The following NSMF variants were observed in gnomAD, a reference collection of about 807,000 sequenced individuals.
NSMF encodes the protein NMDA receptor synaptonuclear signaling and neuronal migration factor, also known as nasal embryonic LHRH factor.
In NSMF, 31 loss-of-function variants were observed where a neutral mutation model predicts 71.0. The ratio of observed to expected loss-of-function variants is 0.44; its 90% CI spans 0.33 to 0.59. NSMF has a LOEUF of 0.59. Ranked by LOEUF, NSMF falls within the 20% of genes least tolerant of loss-of-function variation. NSMF has a pLI of 0.04. For synonymous variants in NSMF, 345 were observed against 287.1 expected, an observed-to-expected ratio of 1.20 and a Z score of -2.04; for missense variants, 673 against 740.5, an observed-to-expected ratio of 0.91 and a Z score of 1.06.
rs763475162 is a variant in NSMF at position 137,458,542 on chromosome 9, G to C, written c.79C>G (p.Arg27Gly). ...TGGGACAGGTACTCTCCAAACGCTC[G>C]GGCTGCTCTGAGGGTGGACAGAGGG... ...SSVAAKVRAA[R>G]AFGEYLSQSH... is the part of the protein sequence containing the mutation. Residue 27 changes from arginine (R) to glycine (G), a missense_variant, in exon 2 of 16, where the codon CGA (arginine) becomes GGA (glycine). Physicochemically the swap from Arg to Gly is moderately radical, Grantham distance 125. Coordinates refer to ENST00000371475, the MANE Select transcript of NSMF (RefSeq NM_001130969.3). The C allele has an allele frequency of 6.3e-7, 1 of 1,596,430 alleles. No individual in the cohort carries two copies. Among genetic ancestry groups the C allele is most frequent in the Non-Finnish European group, 8.5e-7 (1 of 1,173,418 alleles).
rs544848562 is a variant in NSMF at position 137,456,393 on chromosome 9, C to G, written c.704+18G>C. ...AGACCACCCAACCCTGACCCCAAGT[C>G]GTGGGCACAAGACTCACGCTTGCAT... On this transcript the variant is annotated intron_variant, in intron 4 of 15. Transcript: ENST00000371475. 2.2e-5 allele frequency: 35 copies of G among 1,602,950 alleles called. 1 individual carries two copies. In the South Asian group the frequency reaches 3.9e-4, roughly 18 times the overall value.
rs371497597 is a variant in NSMF, at chr9:137,455,343, C to T, written c.711-36G>A. ...ACCGCGAGTCAGCACTGCCCTTGGC[C>T]GGAGGCAGGAGGGACACAGACGTCG... On this transcript the variant is annotated intron_variant, in intron 5 of 15. Transcript: ENST00000371475. 21 of 1,608,978 alleles carry T rather than the reference C, an allele frequency of 1.3e-5. 1 individual carries two copies. The highest frequency in any genetic ancestry group is 9.9e-5 in the South Asian group (9 of 91,018).
chr9:137,457,991 G>A, intron 2 of NSMF, 90 bp from the exon 3 acceptor site: 2 of 1,523,334 alleles, frequency 1.3e-6, no homozygotes, highest in Non-Finnish European at 8.8e-7. Context: ...ACACCCAGTG[G>A]GCACCTGGCC....
chr9:137,451,068 C>A (rs1830493094), intron 12 of NSMF, among the ~76,000 whole-genome samples: 1 of 53,208 alleles, frequency 1.9e-5, no homozygotes, highest in Non-Finnish European at 3.7e-5. Context: ...CTTGATCTCC[C>A]CCTCCACACG....
In NSMF at chr9:137,453,692, G is replaced by A; in HGVS notation, c.922+39C>T. 6.6e-7 allele frequency: 1 copy of A among 1,525,356 alleles called. No homozygotes were observed. The highest frequency in any genetic ancestry group is 8.9e-7 in the Non-Finnish European group (1 of 1,121,136). The allele number at this position is 1,525,356 out of a possible 1,614,324, so 94.5% of individuals were successfully genotyped here. ...AGCAGGGGTCTGGGGTCTAGGGGAG[G>A]CTCTGGGGAAGGTGGGCGGGCCTGT... On this transcript the variant is annotated intron_variant, in intron 8 of 15. Coordinates refer to ENST00000371475, the MANE Select transcript of NSMF (RefSeq NM_001130969.3). The surrounding 1 kb of genome is among the most constrained non-coding windows in gnomAD (Gnocchi z 4.5).
In NSMF at chr9:137,456,295, G is replaced by C. The variant is rs568630442; in HGVS notation, c.704+116C>G. The C allele has an allele frequency of 9.3e-6, 8 of 864,740 alleles. No homozygotes were observed. In the East Asian group the frequency reaches 2.0e-4, roughly 21 times the overall value. 53.6% of individuals were successfully genotyped at this position (864,740 alleles called of 1,614,324 possible). ...AGGCCTGGCACAGCATAGGCACGTG[G>C]GTCTGTTCAGAAGCAGCCCCCCTGG... is the stretch of plus-strand genomic sequence containing the variant. On this transcript the variant is annotated intron_variant, in intron 4 of 15. Coordinates refer to ENST00000371475, the MANE Select transcript of NSMF (RefSeq NM_001130969.3).
rs1158158711 is a variant in NSMF at position 137,455,771 on chromosome 9, G to A, written c.705-137C>T. On this transcript the variant is annotated intron_variant, in intron 4 of 15. Transcript: ENST00000371475. ...CAATAGGTCCCTCACAGGTAACCCA[G>A]CCACCAGCAGGATGCTGGCTACACT... 8 of 927,240 alleles carry A rather than the reference G, an allele frequency of 8.6e-6. No individual in the cohort carries two copies. In the East Asian group the frequency reaches 2.1e-4, roughly 24 times the overall value. 57.4% of individuals were successfully genotyped at this position (927,240 alleles called of 1,614,324 possible). A position where few individuals can be genotyped will look rare whatever the true frequency, so the allele number is the denominator to read the frequency against.
chr9:137,458,687 G>A (rs772932353), intron 1 of NSMF, 138 bp from the exon 2 acceptor site: 2 of 854,666 alleles, frequency 2.3e-6, no homozygotes, highest in Non-Finnish European at 3.8e-6. Context: ...CCCTCCGGGA[G>A]CCCACACACC....
At chr9:137,458,461 C>T (rs999066339) in intron 2 of NSMF, 27 bp downstream of exon 2, 4 of 1,557,408 alleles carry the variant, frequency 2.6e-6, no homozygotes, top group Non-Finnish European at 3.5e-6. Flanking sequence ...GTCTGGGCGG[C>T]CCTGGCACGG....
intron 12 of NSMF, 73 bp downstream of exon 12, chr9:137,452,292 A>T: frequency 7.7e-7 from 1 of 1,300,752 alleles, no homozygotes; most frequent in Non-Finnish European, 1.1e-6. Context: ...CCCCAACTTG[A>T]CTTCTTCCCC....
Position 137,453,698 on chromosome 9 carries a change from G to A in NSMF, c.922+33C>T, listed in dbSNP as rs1283825695. Reference sequence around the variant, plus strand: ...GGTCTGGGGTCTAGGGGAGGCTCTGGGGAAGGTGGGCGGGCCTGTGCGGGG... The same window carrying A: ...GGTCTGGGGTCTAGGGGAGGCTCTGAGGAAGGTGGGCGGGCCTGTGCGGGG... On this transcript the variant is annotated intron_variant, in intron 8 of 15. Transcript: ENST00000371475. The surrounding 1 kb of genome is among the most constrained non-coding windows in gnomAD (Gnocchi z 4.5). The A allele has an allele frequency of 2.6e-6, 4 of 1,553,320 alleles. No individual in the cohort carries two copies. The highest frequency in any genetic ancestry group is 2.7e-5 in the African/African-American group (2 of 73,896).
rs1564263466 is a variant in NSMF at position 137,453,746 on chromosome 9, GGGAAGTGTC to G, written c.898_906del (p.Asp300_Ser302del). The G allele has an allele frequency of 6.2e-7, 1 of 1,602,166 alleles. No individual in the cohort carries two copies. Among genetic ancestry groups the G allele is most frequent in the Non-Finnish European group, 8.5e-7 (1 of 1,178,326 alleles). ...GGGCACCTACTGTCTCGGGAGTCGT[GGGAAGTGTC>G]GGCTTTCATGGGGGTGGGGTCGCTC... On this transcript the variant is annotated inframe_deletion, in exon 8 of 16. Transcript: ENST00000371475. This position sits in a 1 kb window ranked among gnomAD's most constrained non-coding sequence, Gnocchi z 4.5.
Position 137,450,198 on chromosome 9 carries a change from C to T in NSMF, c.1294G>A (p.Glu432Lys). 8 of 1,613,476 alleles carry T rather than the reference C, an allele frequency of 5.0e-6. No individual in the cohort carries two copies. The highest frequency in any genetic ancestry group is 5.1e-6 in the Non-Finnish European group (6 of 1,179,874). ...CACTGAATCATGTCCTCTTCCTTCTCCACTTTGGCAAAGGTGGCCACCTTG... is the reference window on the plus strand; with the variant it reads ...CACTGAATCATGTCCTCTTCCTTCTTCACTTTGGCAAAGGTGGCCACCTTG... ...KNKVATFAKV[E>K]KEEDMIHFWK... The change falls in exon 13 of 16, where the codon GAG (glutamate) becomes AAG (lysine). Residue 432 changes from glutamate to lysine, a missense_variant. Transcript: ENST00000371475.
chr9:137,452,326 G>A (rs374912108), intron 12 of NSMF, 39 bp downstream of exon 12: 11 of 1,398,462 alleles, frequency 7.9e-6, no homozygotes, highest in East Asian at 7.2e-5. Context: ...GCCCCACCAC[G>A]ATTCTTCTCC....
chr9:137,449,817 G>GC (rs1839824272), intron 14 of NSMF, 106 bp downstream of exon 14: 2 of 1,311,594 alleles, frequency 1.5e-6, no homozygotes, highest in African/African-American at 1.5e-5. Context: ...CTAGGGGAAT[G>GC]CCCGGGGGAA....
chr9:137,452,981 CAG>C (rs1830616412), intron 9 of NSMF, 73 bp downstream of exon 9: 7 of 1,604,448 alleles, frequency 4.4e-6, no homozygotes, highest in Non-Finnish European at 5.9e-6. Flanking sequence ...TGGTCCCAGG[CAG>C]AGCTGGCTGG....
chr9:137,458,734 C>T (rs1260082825), intron 1 of NSMF, among the ~76,000 whole-genome samples, 185 bp from the exon 2 acceptor site: 1 of 152,154 alleles, frequency 6.6e-6, no homozygotes, highest in Non-Finnish European at 1.5e-5. Flanking sequence ...CCTGCAGGCC[C>T]GGCCCCTGCC....
chr9:137,458,852 G>A (rs1312649998), intron 1 of NSMF, among the ~76,000 whole-genome samples, 180 bp downstream of exon 1: 2 of 152,144 alleles, frequency 1.3e-5, no homozygotes, highest in East Asian at 3.9e-4. Flanking sequence ...CGCTCGCGAG[G>A]GGAGGGGAGG....
At chr9:137,457,263 TG>T (rs1394812060) in intron 3 of NSMF, 143 bp downstream of exon 3, 3 of 1,211,876 alleles carry the variant, frequency 2.5e-6, no homozygotes, top group East Asian at 2.5e-5. Flanking sequence ...AGCAGAAGCC[TG>T]CCGGTTTTAA....
Sources: gnomAD v4.1 joint callset for allele counts (sites outside exome capture counted in the v4.1 genomes callset) on GRCh38, gnomAD v4.1.1 for gene constraint, Gnocchi (gnomAD v3.1) non-coding constraint, MANE v1.5 for transcripts, NCBI Gene and HGNC (gene_info 2026-07-23, HGNC 2026-07-21) for gene names.